CHD7: variants seen among roughly 807,000 people sequenced by gnomAD.
CHD7 encodes the protein chromodomain helicase DNA binding protein 7.
CHD7 carries 24 observed loss-of-function variants against 307.3 expected under a neutral mutation model. That is an observed-to-expected ratio of 0.08 (90% CI 0.06 to 0.11). The LOEUF is 0.11. Among genes scored for constraint, CHD7 ranks in the 10% least tolerant of loss-of-function variants. The pLI is 1.00. For synonymous variants in CHD7, 1,363 were observed against 1,349.9 expected (o/e 1.01, Z -0.21); for missense variants, 3,106 against 3,727.1 (o/e 0.83, Z 4.34).
intron 34 of CHD7, among the ~76,000 whole-genome samples, chr8:60,857,945 A>C (rs1347733568): frequency 6.6e-6 from 1 of 152,250 alleles, no homozygotes; most frequent in Non-Finnish European, 1.5e-5. Context: ...AGAAGCATTC[A>C]GGTGGCTAAG....
intron 1 of CHD7, among the ~76,000 whole-genome samples, chr8:60,699,831 TTC>T (rs1314260729): frequency 1.0e-5 from 1 of 98,320 alleles, no homozygotes; most frequent in Non-Finnish European, 2.7e-5. Flanking sequence ...TTGATATTAT[TTC>T]TTTTTTTTTT....
chr8:60,822,593 T>C lies in CHD7; in HGVS notation c.3048T>C (p.His1016=), dbSNP rs1442065681. The change falls in exon 12 of 38, where the codon CAT becomes CAC. Residue 1016 remains histidine, a synonymous_variant. Transcript: ENST00000423902. ...ATGAGATATATTTGAAAGGAATCCA[T>C]GGCCCTTTTTTAGTAATTGCCCCAT... is the stretch of plus-strand genomic sequence containing the variant. ...FLYEIYLKGI[H]GPFLVIAPLS... 1 of 1,613,772 alleles carries C rather than the reference T, an allele frequency of 6.2e-7. No homozygotes were observed. The highest frequency in any genetic ancestry group is 8.5e-7 in the Non-Finnish European group (1 of 1,179,782).
chr8:60,862,977 T>C (rs1390362794), intron 37 of CHD7: 1 of 230,540 alleles, frequency 4.3e-6, no homozygotes, highest in African/African-American at 2.3e-5. Flanking sequence ...GTTGAGATCA[T>C]TAAGATTAAC....
intron 37 of CHD7, chr8:60,863,345 G>A (rs1806092900): frequency 6.6e-6 from 1 of 152,198 alleles, no homozygotes; most frequent in Non-Finnish European, 1.5e-5. Context: ...AAGTCTTGAA[G>A]CAGTTTCTTT....
intron 1 of CHD7, among the ~76,000 whole-genome samples, chr8:60,703,855 A>C (rs903170166): frequency 2.0e-5 from 3 of 152,188 alleles, no homozygotes. Flanking sequence ...GTCAGATATA[A>C]CTTCACTCTG....
intron 1 of CHD7, among the ~76,000 whole-genome samples, chr8:60,690,921 ATCTT>A (rs574058355): frequency 1.5e-4 from 23 of 152,000 alleles, no homozygotes; most frequent in African/African-American, 4.3e-4. Context: ...TGTCATTTGC[ATCTT>A]TCTTTCTTTC....
At chr8:60,700,081 G>C (rs756338942) in intron 1 of CHD7, among the ~76,000 whole-genome samples, 3 of 152,056 alleles carry the variant, frequency 2.0e-5, no homozygotes, top group Non-Finnish European at 4.4e-5. Context: ...CAGGTGATCT[G>C]CCCTCCTCGG....
chr8:60,742,489 T>C lies in CHD7; in HGVS notation c.1057T>C (p.Phe353Leu), dbSNP rs1809094292. The change falls in exon 2 of 38, where the codon TTC becomes CTC. Residue 353 changes from phenylalanine (F) to leucine (L), a missense_variant. Phe to Leu is a conservative substitution (Grantham distance 22). Transcript: ENST00000423902. ...ACCAAGATACCCCAATGCTGTAGGA[T>C]TCCCATCAAACAGTGGTCAAGGACT... Reference protein sequence around the residue: ...SVPRYPNAVGFPSNSGQGLMH... With the variant: ...SVPRYPNAVGLPSNSGQGLMH... 6.2e-7 allele frequency: 1 copy of C among 1,613,850 alleles called. No individual in the cohort carries two copies. The highest frequency in any genetic ancestry group is 1.7e-5 in the Admixed American group (1 of 60,002).
At chr8:60,803,663 T>C (rs1313909891) in intron 6 of CHD7, among the ~76,000 whole-genome samples, 1 of 152,192 alleles carries the variant, frequency 6.6e-6, no homozygotes, top group Non-Finnish European at 1.5e-5. Context: ...GAATTGCTTG[T>C]CAGTTACTGG....
intron 1 of CHD7, among the ~76,000 whole-genome samples, chr8:60,692,095 C>T (rs544114735): frequency 1.1e-4 from 17 of 152,228 alleles, no homozygotes; most frequent in Middle Eastern, 3.4e-3. Flanking sequence ...TTTGGAAATA[C>T]GAAAAATTTA....
intron 2 of CHD7, among the ~76,000 whole-genome samples, chr8:60,754,170 C>G (rs1586271555): frequency 6.6e-6 from 1 of 152,334 alleles, no homozygotes; most frequent in East Asian, 1.9e-4. Context: ...ACTGCTAGCA[C>G]AGGTTGCTGG....
chr8:60,865,670 C>T lies in CHD7; in HGVS notation c.8731C>T (p.Pro2911Ser), dbSNP rs779009305. The change falls in exon 38 of 38, where the codon CCA (proline) becomes TCA (serine). Residue 2911 changes from proline (P) to serine (S), a missense_variant. By Grantham distance (74) the Pro-to-Ser change is moderately conservative. Transcript: ENST00000423902. This position sits in a 1 kb window ranked among gnomAD's most constrained non-coding sequence, Gnocchi z 4.3. The part of the protein sequence containing the change: ...GLFYPSMFLP[P>S]GLGGLTLPGF... ...CTTCTACCCATCCATGTTTCTACCT[C>T]CAGGACTGGGGGGATTGACGCTGCC... 2.5e-6 allele frequency: 4 copies of T among 1,607,854 alleles called. No homozygotes were observed. The African/African-American group carries it at 4.0e-5, about 16-fold the overall frequency.
chr8:60,691,548 T>C (rs1806195811), intron 1 of CHD7, among the ~76,000 whole-genome samples: 1 of 152,230 alleles, frequency 6.6e-6, no homozygotes, highest in Admixed American at 6.5e-5. Context: ...TCCATTATCC[T>C]CCAGGCAGAA....
chr8:60,809,312 T>A (rs1246755147), intron 7 of CHD7, among the ~76,000 whole-genome samples: 2 of 152,178 alleles, frequency 1.3e-5, no homozygotes, highest in Non-Finnish European at 2.9e-5. Flanking sequence ...ATGTTAACTG[T>A]CATCATTCTT....
chr8:60,787,580 A>G (rs1479550122), intron 3 of CHD7, among the ~76,000 whole-genome samples: 2 of 152,052 alleles, frequency 1.3e-5, no homozygotes, highest in Admixed American at 6.5e-5. Context: ...TTTAAGTAAG[A>G]CAACACCCTT....
At position 60,841,762 on chromosome 8, in the gene CHD7, A is replaced by AGTT. The variant is rs1363820681; in HGVS notation, c.4644+9_4644+10insTTG. 6.2e-6 allele frequency: 10 copies of AGTT among 1,603,484 alleles called. No homozygotes were observed. The highest frequency in any genetic ancestry group is 8.5e-6 in the Non-Finnish European group (10 of 1,170,770). On this transcript the variant is annotated intron_variant, in intron 20 of 37. Coordinates refer to ENST00000423902, the MANE Select transcript of CHD7 (RefSeq NM_017780.4). ...GATGCCTTAAATGGGAGGGTGAGTA[A>AGTT]GAAGTCCCATTCGAACACCTATCTG...
intron 1 of CHD7, among the ~76,000 whole-genome samples, chr8:60,722,493 T>C (rs1035479766): frequency 1.3e-5 from 2 of 152,242 alleles, no homozygotes; most frequent in Non-Finnish European, 2.9e-5. Flanking sequence ...CATTTAGAGC[T>C]ATGGTTTTCA....
chr8:60,685,017 C>T (rs1563513562), intron 1 of CHD7, among the ~76,000 whole-genome samples: 1 of 152,144 alleles, frequency 6.6e-6, no homozygotes, highest in Non-Finnish European at 1.5e-5. Flanking sequence ...AGAGGGAGAT[C>T]TCAGGGCATA....
intron 1 of CHD7, among the ~76,000 whole-genome samples, chr8:60,710,282 G>A (rs1207472648): frequency 6.8e-6 from 1 of 146,798 alleles, no homozygotes; most frequent in Non-Finnish European, 1.5e-5. Flanking sequence ...CCAAGTAGCT[G>A]TATTCGGTTT....
Sources: gnomAD v4.1 joint callset for allele counts (sites outside exome capture counted in the v4.1 genomes callset) on GRCh38, gnomAD v4.1.1 for gene constraint, Gnocchi (gnomAD v3.1) non-coding constraint, MANE v1.5 for transcripts, NCBI Gene and HGNC (gene_info 2026-07-23, HGNC 2026-07-21) for gene names.